The following MTA1 variants were observed in gnomAD, a reference collection of about 807,000 sequenced individuals.
MTA1 encodes the protein metastasis-associated protein MTA1.
Under a neutral mutation model 97.0 loss-of-function variants are expected in MTA1, and 15 were observed. The observed-to-expected ratio is 0.15, with a 90% CI of 0.10 to 0.24. The LOEUF (loss-of-function observed/expected upper bound fraction) is 0.24. Ranked by LOEUF, MTA1 falls within the 10% of genes least tolerant of loss-of-function variation. MTA1 has a pLI of 1.00. For missense variants in MTA1, 709 were observed against 1,015.1 expected (o/e 0.70, Z 4.10); for synonymous variants, 435 against 417.5 (o/e 1.04, Z -0.51).
chr14:105,422,508 G>A lies in MTA1; in HGVS notation c.28+2445G>A, dbSNP rs1225613563. ...AGCCTGGGAAGGGGCTTGCTCCTGT[G>A]CCCCCCCACCCCAGGGACCTTGTGT... On this transcript the variant is annotated intron_variant, in intron 1 of 20. Transcript: ENST00000331320. The surrounding 1 kb of genome is among the most constrained non-coding windows in gnomAD (Gnocchi z 4.3). Among the ~76,000 whole-genome samples, 2 of 152,052 alleles carry A rather than the reference G, an allele frequency of 1.3e-5. No homozygotes were observed. The highest frequency in any genetic ancestry group is 2.9e-5 in the Non-Finnish European group (2 of 68,002).
At chr14:105,438,830 C>A in intron 2 of MTA1, 91 bp downstream of exon 2, 2 of 1,347,344 alleles carry the variant, frequency 1.5e-6, no homozygotes, top group South Asian at 2.4e-5. Context: ...GGGTGGCCCC[C>A]TTTCGGGGCT....
At position 105,451,154 on chromosome 14, in the gene MTA1, A is replaced by AG. The variant is rs587766740; in HGVS notation, c.432+836dup. On this transcript the variant is annotated intron_variant, in intron 6 of 20. Coordinates refer to ENST00000331320, the MANE Select transcript of MTA1 (RefSeq NM_004689.4). ...ATGCGGCCCCCACCCTGCCCATCCC[A>AG]GGGGGGCTCATCTCTGTCGTGGCCA... is the stretch of plus-strand genomic sequence containing the variant. Among the ~76,000 whole-genome samples the AG allele has an allele frequency of 1.9e-3, 292 of 152,276 alleles. 1 individual carries two copies. Among genetic ancestry groups the AG allele is most frequent in the African/African-American group, 5.6e-3 (233 of 41,560 alleles).
At chr14:105,439,116 A>G (rs954945031) in intron 2 of MTA1, among the ~76,000 whole-genome samples, 6 of 44,178 alleles carry the variant, frequency 1.4e-4, no homozygotes, top group Non-Finnish European at 2.3e-4. Context: ...GCCCTGCCCG[A>G]ACCCTGGCAG....
intron 1 of MTA1, among the ~76,000 whole-genome samples, chr14:105,426,542 T>C (rs1216159476): frequency 6.6e-6 from 1 of 152,182 alleles, no homozygotes; most frequent in Non-Finnish European, 1.5e-5. Flanking sequence ...TTCTCTGGGC[T>C]GGGCTAGGGC....
At chr14:105,425,246 C>T (rs1401498436) in intron 1 of MTA1, among the ~76,000 whole-genome samples, 3 of 152,204 alleles carry the variant, frequency 2.0e-5, no homozygotes, top group African/African-American at 7.2e-5. Context: ...AGCTTAGACC[C>T]TACCTTAGAC....
intron 18 of MTA1, chr14:105,468,341 C>G: frequency 7.7e-7 from 1 of 1,304,390 alleles, no homozygotes; most frequent in Non-Finnish European, 1.0e-6. Context: ...CTGGTAGGCA[C>G]TTACCTGGGT....
At chr14:105,456,881 A>G (rs1212964284) in intron 7 of MTA1, among the ~76,000 whole-genome samples, 2 of 152,146 alleles carry the variant, frequency 1.3e-5, no homozygotes, top group Non-Finnish European at 2.9e-5. Context: ...CCGTCCTCTG[A>G]GTCTGGCCAG....
chr14:105,464,994 A>G, intron 15 of MTA1, 100 bp from the exon 16 acceptor site: 1 of 1,424,854 alleles, frequency 7.0e-7, no homozygotes, highest in Non-Finnish European at 9.3e-7. Context: ...CTCGGTGCTG[A>G]CATGGCCGAG....
chr14:105,463,227 T>G lies in MTA1; in HGVS notation c.986T>G (p.Met329Arg). 1 of 1,611,002 alleles carries G rather than the reference T, an allele frequency of 6.2e-7. No homozygotes were observed. Among genetic ancestry groups the G allele is most frequent in the Non-Finnish European group, 8.5e-7 (1 of 1,179,756 alleles). Residue 329 changes from methionine to arginine, a missense_variant, in exon 11 of 21, where the codon ATG becomes AGG. Met to Arg is a moderately conservative substitution (Grantham distance 91). Coordinates refer to ENST00000331320, the MANE Select transcript of MTA1 (RefSeq NM_004689.4). This position sits in a 1 kb window ranked among gnomAD's most constrained non-coding sequence, Gnocchi z 5.9. ...ACCAGCATCATTGAGTACTACTACA[T>G]GTGGAAGACCACCGACAGATACGTG... The part of the protein sequence containing the change: ...SLTSIIEYYY[M>R]WKTTDRYVQQ...
At chr14:105,449,502 CGCCTGCAT>C (rs2082841433) in intron 4 of MTA1, 93 bp downstream of exon 4, 2 of 1,391,152 alleles carry the variant, frequency 1.4e-6, no homozygotes, top group Non-Finnish European at 2.0e-6. Flanking sequence ...TTGGGCGGGC[CGCCTGCAT>C]GCCTGTGCCC....
At position 105,438,781 on chromosome 14, in the gene MTA1, G is replaced by T. The variant is rs1555425001; in HGVS notation, c.96+42G>T. The T allele has an allele frequency of 1.9e-6, 3 of 1,599,996 alleles. No individual in the cohort carries two copies. In the South Asian group the frequency reaches 3.3e-5, roughly 18 times the overall value. The stretch of plus-strand genomic sequence containing the variant: ...GTGTTGCTGCAGGGGGGTAGTGGGT[G>T]GGGGCTACGCCAGCTCCTGCCCTGT... On this transcript the variant is annotated intron_variant, in intron 2 of 20. Coordinates refer to ENST00000331320, the MANE Select transcript of MTA1 (RefSeq NM_004689.4).
chr14:105,466,370 C>G (rs1282645610), intron 16 of MTA1, 56 bp from the exon 17 acceptor site: 1 of 1,511,982 alleles, frequency 6.6e-7, no homozygotes, highest in Admixed American at 1.8e-5. Context: ...CTGGGCCTGC[C>G]TGCCCCTCCC....
At chr14:105,443,273 G>C (rs916310203) in intron 2 of MTA1, among the ~76,000 whole-genome samples, 1 of 152,178 alleles carries the variant, frequency 6.6e-6, no homozygotes. Flanking sequence ...AAGGGGAGAG[G>C]AGATGCACGT....
intron 1 of MTA1, among the ~76,000 whole-genome samples, chr14:105,426,876 G>C (rs950848729): frequency 2.0e-5 from 3 of 152,194 alleles, no homozygotes; most frequent in Admixed American, 6.5e-5. Context: ...CCTGGAGCAG[G>C]GGTGCTGGGG....
At chr14:105,451,783 G>GTTTTTT (rs869240296) in intron 6 of MTA1, among the ~76,000 whole-genome samples, 36 of 31,386 alleles carry the variant, frequency 1.1e-3, no homozygotes, top group Admixed American at 2.1e-3. Context: ...TTCTTTTTTT[G>GTTTTTT]TTTTTTTTTT....
chr14:105,445,225 T>G (rs6576101), intron 2 of MTA1, among the ~76,000 whole-genome samples, 193 bp from the exon 3 acceptor site: 22 of 152,222 alleles, frequency 1.4e-4, no homozygotes. Flanking sequence ...CCTTCTCCCC[T>G]GGGATAGACG....
intron 6 of MTA1, among the ~76,000 whole-genome samples, chr14:105,451,081 A>G (rs2082910682): frequency 6.6e-6 from 1 of 152,084 alleles, no homozygotes; most frequent in African/African-American, 2.4e-5. Flanking sequence ...GAGTCTTGTG[A>G]CCTGAACACC....
Position 105,420,676 on chromosome 14 carries a change from C to T in MTA1, c.28+613C>T, listed in dbSNP as rs2081802675. ...TTCCCTGCCTCTCGCTCACCTCAGC[C>T]CATTCGGGAGGCGCTTTGCAAGGGT... is the stretch of plus-strand genomic sequence containing the variant. On this transcript the variant is annotated intron_variant, in intron 1 of 20. Coordinates refer to ENST00000331320, the MANE Select transcript of MTA1 (RefSeq NM_004689.4). This position sits in a 1 kb window ranked among gnomAD's most constrained non-coding sequence, Gnocchi z 5.3. Among the ~76,000 whole-genome samples, 1 of 152,206 alleles carries T rather than the reference C, an allele frequency of 6.6e-6. No individual in the cohort carries two copies. The highest frequency in any genetic ancestry group is 6.5e-5 in the Admixed American group (1 of 15,288).
chr14:105,450,037 CAG>C lies in MTA1; in HGVS notation c.242-20_242-19del, dbSNP rs781955276. 28 of 1,613,296 alleles carry C rather than the reference CAG, an allele frequency of 1.7e-5. No homozygotes were observed. Among genetic ancestry groups the C allele is most frequent in the African/African-American group, 6.7e-5 (5 of 74,926 alleles). ...CAGTGTGCGTCTGCCGCGGTGCTGA[CAG>C]GGGCTCCTTGTCCTTCAGGGGAAAT... On this transcript the variant is annotated intron_variant, in intron 4 of 20. Transcript: ENST00000331320.
Sources: gnomAD v4.1 joint callset for allele counts (sites outside exome capture counted in the v4.1 genomes callset) on GRCh38, gnomAD v4.1.1 for gene constraint, Gnocchi (gnomAD v3.1) non-coding constraint, MANE v1.5 for transcripts, NCBI Gene and HGNC (gene_info 2026-07-23, HGNC 2026-07-21) for gene names.